WDR44: variants seen among roughly 807,000 people sequenced by gnomAD.
The protein encoded by WDR44 is WD repeat domain 44.
In WDR44, 9 loss-of-function variants were observed where a neutral mutation model predicts 65.7. That is an observed-to-expected ratio of 0.14 (90% CI 0.08 to 0.24). WDR44 has a LOEUF of 0.24. WDR44 is among the 10% of genes least tolerant of loss of function. The pLI, the probability that WDR44 is intolerant of heterozygous loss-of-function variation, is 1.00. For missense variants in WDR44, 425 were observed against 670.9 expected (o/e 0.63, Z 4.05); for synonymous variants, 220 against 235.2 (o/e 0.94, Z 0.59).
chrX:118,390,788 GTTAT>G (rs1289302324), intron 3 of WDR44, among the ~76,000 whole-genome samples: 1 of 111,680 alleles, frequency 9.0e-6, no homozygotes. Flanking sequence ...CATATTTATT[GTTAT>G]TTCTTACCTT....
chrX:118,368,673 T>C (rs907536238), intron 1 of WDR44, among the ~76,000 whole-genome samples: 12 of 101,597 alleles, frequency 1.2e-4, no homozygotes, highest in African/African-American at 4.5e-4. Context: ...CTCTGTGTGA[T>C]GCCACTAATC....
At chrX:118,383,003 G>A (rs1168957306) in intron 2 of WDR44, among the ~76,000 whole-genome samples, 1 of 111,895 alleles carries the variant, frequency 8.9e-6, no homozygotes, top group African/African-American at 3.2e-5. Context: ...CCAAAAGCCT[G>A]ATCAAGGTGT....
chrX:118,353,758 T>C (rs2056434966), intron 1 of WDR44, among the ~76,000 whole-genome samples: 1 of 111,999 alleles, frequency 8.9e-6, no homozygotes, highest in Admixed American at 9.5e-5. Context: ...TTAGGAAATA[T>C]ATTTGCAAAT....
intron 12 of WDR44, among the ~76,000 whole-genome samples, chrX:118,422,419 G>A (rs1484128425): frequency 6.4e-5 from 7 of 109,417 alleles, no homozygotes; most frequent in Admixed American, 2.0e-4. Flanking sequence ...AGCCAGGCGC[G>A]GTGGCTCATG....
chrX:118,391,377 A>C (rs191110896), intron 3 of WDR44, among the ~76,000 whole-genome samples: 148 of 112,183 alleles, frequency 1.3e-3, no homozygotes, highest in African/African-American at 4.5e-3. Flanking sequence ...TCTAAGGTTA[A>C]CAATTTGAAG....
At chrX:118,420,078 C>G (rs1049560279) in intron 12 of WDR44, among the ~76,000 whole-genome samples, 4 of 109,931 alleles carry the variant, frequency 3.6e-5, no homozygotes, top group Non-Finnish European at 5.7e-5. Context: ...AACTTACCCC[C>G]TCATCCCTAA....
intron 19 of WDR44, among the ~76,000 whole-genome samples, chrX:118,445,433 A>G (rs1034870051): frequency 8.9e-6 from 1 of 112,434 alleles, no homozygotes; most frequent in Non-Finnish European, 1.9e-5. Context: ...GAAGACAGAG[A>G]CTTTTCATGT....
chrX:118,357,770 G>A (rs2056474236), intron 1 of WDR44, among the ~76,000 whole-genome samples: 1 of 109,188 alleles, frequency 9.2e-6, no homozygotes, highest in Non-Finnish European at 1.9e-5. Context: ...TGTAGTCCCA[G>A]CTAGGTGGGC....
intron 11 of WDR44, 54 bp downstream of exon 11, chrX:118,409,681 G>A: frequency 1.9e-6 from 2 of 1,064,961 alleles, no homozygotes; most frequent in Non-Finnish European, 1.2e-6. Flanking sequence ...TACATTTTAG[G>A]TATACTGATG....
chrX:118,373,098 A>AAACAAC (rs201959120), intron 1 of WDR44, among the ~76,000 whole-genome samples: 4 of 110,562 alleles, frequency 3.6e-5, no homozygotes, highest in Non-Finnish European at 7.6e-5. Flanking sequence ...TCAAAAAATA[A>AAACAAC]AACAACAACA....
chrX:118,358,477 C>T (rs768100175), intron 1 of WDR44, among the ~76,000 whole-genome samples: 3 of 111,696 alleles, frequency 2.7e-5, no homozygotes, highest in East Asian at 2.8e-4. Flanking sequence ...CTGAGGTGGA[C>T]GGATCACTTG....
chrX:118,448,983 C>T lies in WDR44; in HGVS notation c.2738C>T (p.Ser913Phe). ...TTTGTTAATAAAAGAAAAAATGTATCTTAATTTGAAATGGCATTTAAAATA... is the reference window on the plus strand; with the variant it reads ...TTTGTTAATAAAAGAAAAAATGTATTTTAATTTGAAATGGCATTTAAAATA... ...KVFVNKRKNVS is the reference protein window; with the variant it reads ...KVFVNKRKNVF Residue 913 changes from serine (S) to phenylalanine (F), a missense_variant, in exon 20 of 20, where the codon TCT becomes TTT. By Grantham distance (155) the Ser-to-Phe change is radical (BLOSUM62 -2). Around this residue, in one of 5 missense-constraint regions of WDR44, gnomAD observed 37 missense variants for 40.9 expected, o/e 0.90. Transcript: ENST00000254029. 8.6e-7 allele frequency: 1 copy of T among 1,165,064 alleles called. No homozygotes were observed. Among genetic ancestry groups the T allele is most frequent in the Non-Finnish European group, 1.2e-6 (1 of 861,922 alleles).
intron 1 of WDR44, among the ~76,000 whole-genome samples, chrX:118,373,742 C>T (rs144336084): frequency 0.012 from 1,310 of 111,000 alleles, 13 homozygotes; most frequent in African/African-American, 0.039. Flanking sequence ...CAAATTCTGG[C>T]CCTACTGTTT....
Position 118,409,580 on chromosome X carries a change from A to G in WDR44, c.1625A>G (p.Asn542Ser), listed in dbSNP as rs2056995752. ...DNVVRIWALK[N>S]AFDYFNNMRM... is the part of the protein sequence containing the mutation. Reference sequence around the variant, plus strand: ...GTAGTGAGAATATGGGCTTTAAAAAATGCTTTTGACTATTTCAACAATATG... The same window carrying G: ...GTAGTGAGAATATGGGCTTTAAAAAGTGCTTTTGACTATTTCAACAATATG... The change falls in exon 11 of 20, where the codon AAT becomes AGT. Residue 542 changes from asparagine to serine, a missense_variant. By Grantham distance (46) the Asn-to-Ser change is conservative. Around this residue, in one of 5 missense-constraint regions of WDR44, gnomAD observed 45 missense variants for 50.0 expected, o/e 0.90. Transcript: ENST00000254029. 4.1e-6 allele frequency: 5 copies of G among 1,208,086 alleles called. No homozygotes were observed. The highest frequency in any genetic ancestry group is 5.6e-6 in the Non-Finnish European group (5 of 893,601).
chrX:118,363,261 G>C (rs1210650436), intron 1 of WDR44, among the ~76,000 whole-genome samples: 3 of 107,580 alleles, frequency 2.8e-5, no homozygotes, highest in Non-Finnish European at 5.8e-5. Flanking sequence ...AGTTAGCCGG[G>C]CGTGGTGGCA....
intron 1 of WDR44, 121 bp downstream of exon 1, chrX:118,346,701 A>C: frequency 1.8e-6 from 1 of 552,909 alleles, no homozygotes; most frequent in South Asian, 3.6e-5. Flanking sequence ...TCCCCGTCTC[A>C]CTGGAGGACT....
intron 2 of WDR44, among the ~76,000 whole-genome samples, chrX:118,379,755 T>C (rs1214237899): frequency 8.9e-6 from 1 of 112,033 alleles, no homozygotes; most frequent in East Asian, 2.8e-4. Flanking sequence ...AGAAAAGTTA[T>C]ATCATAACTC....
At chrX:118,355,723 G>A (rs73599015) in intron 1 of WDR44, among the ~76,000 whole-genome samples, 146 of 111,246 alleles carry the variant, frequency 1.3e-3, no homozygotes, top group African/African-American at 4.6e-3. Context: ...TTGGGGAGGC[G>A]GGTGGTGAGT....
At chrX:118,435,087 A>G (rs960631238) in intron 13 of WDR44, among the ~76,000 whole-genome samples, 1 of 111,860 alleles carries the variant, frequency 8.9e-6, no homozygotes, top group Non-Finnish European at 1.9e-5. Flanking sequence ...TTTATTTAAT[A>G]AAAAGTATTT....
Sources: allele counts gnomAD v4.1 joint callset (sites outside exome capture counted in the v4.1 genomes callset), GRCh38; gene constraint gnomAD v4.1.1; regional missense constraint gnomAD v4.1.1; transcripts MANE v1.5; gene names NCBI Gene and HGNC (gene_info 2026-07-23, HGNC 2026-07-21).